Variants in AFG2A observed in about 807,000 individuals in gnomAD.
The protein encoded by AFG2A is ATPase family gene 2 protein homolog A.
chr4:123,088,035 A>T, the AFG2A span, among the ~76,000 whole-genome samples: 1 of 152,188 alleles, frequency 6.6e-6, no homozygotes, highest in Non-Finnish European at 1.5e-5. Context: ...GAAACATCCC[A>T]TTAACTGTAG....
the AFG2A span, among the ~76,000 whole-genome samples, chr4:123,210,132 G>A: frequency 6.6e-6 from 1 of 152,232 alleles, no homozygotes; most frequent in East Asian, 1.9e-4. Context: ...TTTATGGTGT[G>A]TATGATGTTT....
chr4:123,183,961 C>T, the AFG2A span, among the ~76,000 whole-genome samples: 2 of 150,726 alleles, frequency 1.3e-5, no homozygotes, highest in African/African-American at 5.0e-5. Flanking sequence ...TTCATTCATT[C>T]ATTCATTCAT....
At chr4:122,975,310 A>G in the AFG2A span, among the ~76,000 whole-genome samples, 2 of 151,984 alleles carry the variant, frequency 1.3e-5, no homozygotes, top group Non-Finnish European at 2.9e-5. Context: ...TTATAGCTGT[A>G]TTAATCCATT....
chr4:123,119,121 T>C, the AFG2A span, among the ~76,000 whole-genome samples: 1 of 152,116 alleles, frequency 6.6e-6, no homozygotes, highest in East Asian at 1.9e-4. Flanking sequence ...TCTTTCCTAT[T>C]TAGGTTTTTT....
At chr4:123,179,277 G>A in the AFG2A span, among the ~76,000 whole-genome samples, 1 of 152,082 alleles carries the variant, frequency 6.6e-6, no homozygotes, top group African/African-American at 2.4e-5. Context: ...GTGGTTTTCT[G>A]CAGTTCTTAA....
At chr4:122,983,796 A>G in the AFG2A span, among the ~76,000 whole-genome samples, 2 of 152,316 alleles carry the variant, frequency 1.3e-5, no homozygotes, top group South Asian at 2.1e-4. Flanking sequence ...TAGATGGTTC[A>G]CATCACAGGA....
At chr4:123,159,219 G>A in the AFG2A span, among the ~76,000 whole-genome samples, 21,673 of 152,068 alleles carry the variant, frequency 0.14, 1,703 homozygotes, top group Middle Eastern at 0.27. Flanking sequence ...TTATTATTTC[G>A]TTTTCTTTTG....
At chr4:123,000,212 A>T in the AFG2A span, among the ~76,000 whole-genome samples, 31 of 150,522 alleles carry the variant, frequency 2.1e-4, no homozygotes, top group African/African-American at 7.3e-4. Flanking sequence ...GGGCTGAGAC[A>T]GTGGGGTTTT....
the AFG2A span, among the ~76,000 whole-genome samples, chr4:123,302,199 G>A: frequency 6.6e-6 from 1 of 152,198 alleles, no homozygotes; most frequent in Admixed American, 6.5e-5. Context: ...GAGGAGTCTT[G>A]AAGTTTTTCA....
chr4:123,154,595 T>A, the AFG2A span, among the ~76,000 whole-genome samples: 1 of 152,168 alleles, frequency 6.6e-6, no homozygotes, highest in African/African-American at 2.4e-5. Flanking sequence ...ACAGTTGAAT[T>A]TTTGAAACAG....
At chr4:122,987,451 GA>G in the AFG2A span, among the ~76,000 whole-genome samples, 3 of 151,866 alleles carry the variant, frequency 2.0e-5, no homozygotes, top group African/African-American at 4.8e-5. Flanking sequence ...GGGCTTACTA[GA>G]GCTATTTTAT....
chr4:123,080,782 A>G, the AFG2A span, among the ~76,000 whole-genome samples: 1 of 152,050 alleles, frequency 6.6e-6, no homozygotes, highest in Non-Finnish European at 1.5e-5. Context: ...TATCAGCCCT[A>G]TTGATTGTAT....
the AFG2A span, chr4:123,256,070 G>A: frequency 1.2e-6 from 2 of 1,613,930 alleles, no homozygotes; most frequent in Non-Finnish European, 1.7e-6. Flanking sequence ...TTTACCGGAT[G>A]CAGCAACAAG....
chr4:123,316,862 T>G, the AFG2A span: 2 of 152,234 alleles, frequency 1.3e-5, no homozygotes, highest in African/African-American at 4.8e-5. Context: ...AATCTCCTGC[T>G]GGCCAGGAAG....
chr4:123,297,587 C>T, the AFG2A span, among the ~76,000 whole-genome samples: 5 of 152,062 alleles, frequency 3.3e-5, no homozygotes, highest in South Asian at 2.1e-4. Context: ...GATGTGGTGG[C>T]GGGCGCCTGT....
At chr4:123,169,032 A>G in the AFG2A span, among the ~76,000 whole-genome samples, 1 of 152,308 alleles carries the variant, frequency 6.6e-6, no homozygotes, top group Non-Finnish European at 1.5e-5. Context: ...GATGCCAGTG[A>G]TGCGAATAGA....
At chr4:122,945,505 G>A in the AFG2A span, among the ~76,000 whole-genome samples, 10 of 152,348 alleles carry the variant, frequency 6.6e-5, no homozygotes, top group African/African-American at 2.4e-4. Flanking sequence ...GAAAAGCGCG[G>A]TATTAGGGTG....
the AFG2A span, among the ~76,000 whole-genome samples, chr4:123,286,504 C>T: frequency 0.73 from 110,800 of 152,052 alleles, 41,440 homozygotes; most frequent in Non-Finnish European, 0.81. Context: ...ATTCTGTGTC[C>T]ATCTTATTTT....
the AFG2A span, among the ~76,000 whole-genome samples, chr4:123,163,660 G>A: frequency 3.3e-5 from 5 of 152,146 alleles, no homozygotes; most frequent in African/African-American, 1.2e-4. Flanking sequence ...TGGAAGTCCT[G>A]GCTGGGCTCC....
Sources: gnomAD v4.1 joint callset for allele counts (sites outside exome capture counted in the v4.1 genomes callset) on GRCh38, gnomAD v4.1.1 for gene constraint, MANE v1.5 for transcripts, NCBI Gene and HGNC (gene_info 2026-07-23, HGNC 2026-07-21) for gene names.